Variants in PELI2 observed in about 807,000 individuals in gnomAD.
PELI2 encodes pellino E3 ubiquitin protein ligase family member 2.
A neutral mutation model predicts 42.3 loss-of-function variants in PELI2; 23 were observed. The observed-to-expected ratio is 0.54, with a 90% CI of 0.39 to 0.77. The LOEUF (loss-of-function observed/expected upper bound fraction) is 0.77, where lower values mean the gene tolerates loss of function less well. PELI2 is among the 30% of genes least tolerant of loss of function. The pLI is 0.00. For missense variants in PELI2, 463 were observed against 553.2 expected (o/e 0.84, Z 1.64); for synonymous variants, 245 against 212.2 (o/e 1.15, Z -1.34).
intron 1 of PELI2, among the ~76,000 whole-genome samples, chr14:56,151,895 A>G (rs1347475418): frequency 2.6e-5 from 4 of 152,210 alleles, no homozygotes; most frequent in Non-Finnish European, 4.4e-5. Flanking sequence ...TATAGTTGAA[A>G]TTTAGTAGAT....
intron 2 of PELI2, among the ~76,000 whole-genome samples, chr14:56,184,613 T>C (rs1885703399): frequency 6.6e-6 from 1 of 152,068 alleles, no homozygotes; most frequent in Non-Finnish European, 1.5e-5. Flanking sequence ...TAAGGGATTT[T>C]CATAAGGCTT....
In PELI2 at chr14:56,203,725, A is replaced by T. The variant is rs371630827; in HGVS notation, c.207+25261A>T. 2.3e-4 allele frequency among the ~76,000 whole-genome samples: 35 copies of T among 152,298 alleles called. 1 individual carries two copies. The highest frequency in any genetic ancestry group is 8.5e-4 in the Admixed American group (13 of 15,290). ...GGTGCTCCTGAGCAAGATAGATCTC[A>T]GTCCTCATCTTGGTCAACTCTGCAG... On this transcript the variant is annotated intron_variant, in intron 2 of 5. Transcript: ENST00000267460.
chr14:56,127,753 C>T (rs1436728651), intron 1 of PELI2, among the ~76,000 whole-genome samples: 2 of 152,160 alleles, frequency 1.3e-5, no homozygotes, highest in Admixed American at 1.3e-4. Context: ...GTGAACGTAA[C>T]TTCTGAAATT....
intron 2 of PELI2, among the ~76,000 whole-genome samples, chr14:56,181,762 A>G (rs960572301): frequency 1.3e-5 from 2 of 151,748 alleles, no homozygotes; most frequent in African/African-American, 4.8e-5. Context: ...CTGTTGTGTA[A>G]TCTCTATTTG....
intron 2 of PELI2, among the ~76,000 whole-genome samples, chr14:56,232,066 T>A (rs1470277939): frequency 6.6e-6 from 1 of 152,078 alleles, no homozygotes; most frequent in East Asian, 1.9e-4. Flanking sequence ...CAGGAAGAAG[T>A]TGAACCCCTG....
intron 2 of PELI2, among the ~76,000 whole-genome samples, chr14:56,234,422 C>T (rs988810573): frequency 6.6e-6 from 1 of 151,980 alleles, no homozygotes. Flanking sequence ...TATACAGCCA[C>T]AAAAAAGGAT....
At position 56,254,557 on chromosome 14, in the gene PELI2, A is replaced by G. The variant is rs985111925; in HGVS notation, c.208-25119A>G. Among the ~76,000 whole-genome samples, 4 of 152,328 alleles carry G rather than the reference A, an allele frequency of 2.6e-5. No individual in the cohort carries two copies. The South Asian group carries it at 8.3e-4, about 32-fold the overall frequency. On this transcript the variant is annotated intron_variant, in intron 2 of 5. Transcript: ENST00000267460. ...AAAACCCTAGAAGAAAACCCAAGCA[A>G]TACCATTCAGGGCATAGGCGTGGGC...
At chr14:56,265,045 C>T (rs1888846236) in intron 2 of PELI2, among the ~76,000 whole-genome samples, 1 of 152,146 alleles carries the variant, frequency 6.6e-6, no homozygotes, top group African/African-American at 2.4e-5. Context: ...TCAGAAAACT[C>T]AACAGTGATG....
At chr14:56,258,417 T>A (rs1053633465) in intron 2 of PELI2, among the ~76,000 whole-genome samples, 2 of 151,038 alleles carry the variant, frequency 1.3e-5, no homozygotes, top group African/African-American at 4.9e-5. Flanking sequence ...AACCTAGAAA[T>A]TACAGATGGA....
chr14:56,235,937 A>G (rs1172046820), intron 2 of PELI2, among the ~76,000 whole-genome samples: 1 of 152,188 alleles, frequency 6.6e-6, no homozygotes, highest in African/African-American at 2.4e-5. Flanking sequence ...TTCATTATCT[A>G]TGTAAATACA....
chr14:56,159,859 C>T (rs1372383087), intron 1 of PELI2, among the ~76,000 whole-genome samples: 1 of 152,096 alleles, frequency 6.6e-6, no homozygotes, highest in African/African-American at 2.4e-5. Context: ...GACCCTCCAG[C>T]AATGCTCAGA....
intron 2 of PELI2, among the ~76,000 whole-genome samples, chr14:56,276,242 T>A (rs936081155): frequency 1.3e-5 from 2 of 152,154 alleles, no homozygotes; most frequent in Non-Finnish European, 2.9e-5. Context: ...TAAATCTGAC[T>A]CTATTTTAGA....
At chr14:56,181,029 G>A (rs1430107810) in intron 2 of PELI2, among the ~76,000 whole-genome samples, 3 of 152,068 alleles carry the variant, frequency 2.0e-5, no homozygotes, top group Admixed American at 6.6e-5. Flanking sequence ...CCCTGACTCC[G>A]TAGCATCTAT....
chr14:56,127,308 A>G (rs1883308190), intron 1 of PELI2, among the ~76,000 whole-genome samples: 1 of 152,180 alleles, frequency 6.6e-6, no homozygotes, highest in Admixed American at 6.5e-5. Flanking sequence ...GAAATAACAG[A>G]ACTAACAGAG....
chr14:56,174,824 A>T (rs1016050477), intron 1 of PELI2, among the ~76,000 whole-genome samples: 5 of 152,098 alleles, frequency 3.3e-5, no homozygotes, highest in Admixed American at 3.3e-4. Flanking sequence ...GTGAGAATGG[A>T]CTAATACAAC....
At position 56,169,557 on chromosome 14, in the gene PELI2, G is replaced by A. The variant is rs140935112; in HGVS notation, c.78-8778G>A. Among the ~76,000 whole-genome samples, 1,416 of 152,304 alleles carry A rather than the reference G, an allele frequency of 9.3e-3. 29 individuals are homozygous for A. Among genetic ancestry groups the A allele is most frequent in the African/African-American group, 0.032 (1,347 of 41,564 alleles). On this transcript the variant is annotated intron_variant, in intron 1 of 5. Transcript: ENST00000267460. ...TTAGCACTAGGCTTGTTGCTGCTGC[G>A]TGGGGTGTGGAAGGGATGGTGTCAG...
chr14:56,177,167 T>G (rs1026967077), intron 1 of PELI2, among the ~76,000 whole-genome samples: 3 of 152,240 alleles, frequency 2.0e-5, no homozygotes, highest in Non-Finnish European at 4.4e-5. Flanking sequence ...CAGTGATAAT[T>G]TGAAACCATT....
At chr14:56,269,299 T>C (rs1352028111) in intron 2 of PELI2, among the ~76,000 whole-genome samples, 1 of 151,838 alleles carries the variant, frequency 6.6e-6, no homozygotes, top group Non-Finnish European at 1.5e-5. Context: ...AAAAATTAGC[T>C]GGGTGTGGTG....
At chr14:56,261,979 A>G (rs938588012) in intron 2 of PELI2, among the ~76,000 whole-genome samples, 12 of 152,210 alleles carry the variant, frequency 7.9e-5, no homozygotes, top group Non-Finnish European at 8.8e-5. Flanking sequence ...GTTATCACAT[A>G]GTTTGACTCT....
Sources: allele counts gnomAD v4.1 joint callset (sites outside exome capture counted in the v4.1 genomes callset), GRCh38; gene constraint gnomAD v4.1.1; transcripts MANE v1.5; gene names NCBI Gene and HGNC (gene_info 2026-07-23, HGNC 2026-07-21).